ERCC4: variants seen among roughly 807,000 people sequenced by gnomAD.
The protein encoded by ERCC4 is ERCC excision repair 4, endonuclease catalytic subunit.
In ERCC4, 65 loss-of-function variants were observed where a neutral mutation model predicts 76.9. The observed-to-expected ratio is 0.84, with a 90% CI of 0.69 to 1.04. The LOEUF (loss-of-function observed/expected upper bound fraction) is 1.04. Ranked by LOEUF, ERCC4 falls within the 50% of genes least tolerant of loss-of-function variation. The pLI, the probability that ERCC4 is intolerant of heterozygous loss-of-function variation, is 0.00. For missense variants in ERCC4, 1,214 were observed against 1,128.2 expected (o/e 1.08, Z -1.09); for synonymous variants, 463 against 410.1 (o/e 1.13, Z -1.56).
intron 8 of ERCC4, among the ~76,000 whole-genome samples, chr16:13,937,174 C>A (rs144872771): frequency 2.6e-5 from 4 of 151,702 alleles, no homozygotes; most frequent in Non-Finnish European, 4.4e-5. Flanking sequence ...CCTCAGCCCC[C>A]CAAAGTGCTG....
At position 13,930,752 on chromosome 16, in the gene ERCC4, G is replaced by A; in HGVS notation, c.835G>A (p.Ala279Thr). 8 of 1,613,900 alleles carry A rather than the reference G, an allele frequency of 5.0e-6. No individual in the cohort carries two copies. The highest frequency in any genetic ancestry group is 6.8e-6 in the Non-Finnish European group (8 of 1,179,800). Residue 279 changes from alanine (A) to threonine (T), a missense_variant, in exon 5 of 11, where the codon GCC becomes ACC. Transcript: ENST00000311895. ...YLDPLWHQLG[A>T]KTKSLVQDLK... ...GGATCCTTTGTGGCACCAGCTTGGAGCCAAGACTAAATCCTTAGTTCAGGA... is the reference window on the plus strand; with the variant it reads ...GGATCCTTTGTGGCACCAGCTTGGAACCAAGACTAAATCCTTAGTTCAGGA...
chr16:13,941,470 T>A (rs187754458), intron 9 of ERCC4, among the ~76,000 whole-genome samples: 1 of 152,088 alleles, frequency 6.6e-6, no homozygotes, highest in East Asian at 1.9e-4. Context: ...AAGAGAAAAA[T>A]TTAATATGAA....
At chr16:13,928,544 G>A (rs905431269) in intron 4 of ERCC4, among the ~76,000 whole-genome samples, 6 of 152,076 alleles carry the variant, frequency 3.9e-5, no homozygotes, top group African/African-American at 1.4e-4. Flanking sequence ...ATGTCTACAG[G>A]TAGAAGAGTT....
At chr16:13,920,501 C>T in intron 1 of ERCC4, 129 bp downstream of exon 1, 1 of 871,244 alleles carries the variant, frequency 1.1e-6, no homozygotes, top group Non-Finnish European at 1.8e-6. Flanking sequence ...TACGCGATGA[C>T]ACAGAGAAGG....
At position 13,947,997 on chromosome 16, in the gene ERCC4, C is replaced by T. The variant is rs2032554052; in HGVS notation, c.2401C>T (p.Leu801Phe). 6.2e-7 allele frequency: 1 copy of T among 1,614,062 alleles called. No homozygotes were observed. The highest frequency in any genetic ancestry group is 8.5e-7 in the Non-Finnish European group (1 of 1,180,040). ...ACTTCACTTCCCCAGACTACGGATTCTCTGGTGCCCCTCTCCTCATGCAAC... is the reference window on the plus strand; with the variant it reads ...ACTTCACTTCCCCAGACTACGGATTTTCTGGTGCCCCTCTCCTCATGCAAC... ...LTLHFPRLRI[L>F]WCPSPHATAE... is the part of the protein sequence containing the mutation. The change falls in exon 11 of 11, where the codon CTC (leucine) becomes TTC (phenylalanine). Residue 801 changes from leucine to phenylalanine, a missense_variant. Physicochemically the swap from Leu to Phe is conservative, Grantham distance 22. Coordinates refer to ENST00000311895, the MANE Select transcript of ERCC4 (RefSeq NM_005236.3).
At chr16:13,929,310 G>C (rs554860815) in intron 4 of ERCC4, among the ~76,000 whole-genome samples, 36 of 152,210 alleles carry the variant, frequency 2.4e-4, no homozygotes, top group African/African-American at 8.4e-4. Context: ...TTACAAAAAA[G>C]GCATGTAGTT....
Position 13,950,600 on chromosome 16 carries a change from T to C in ERCC4, c.*2253T>C, listed in dbSNP as rs2032612743. 1.6e-5 allele frequency: 3 copies of C among 193,304 alleles called. No individual in the cohort carries two copies. The highest frequency in any genetic ancestry group is 1.9e-4 in the South Asian group (1 of 5,194). 12.0% of individuals were successfully genotyped at this position (193,304 alleles called of 1,614,324 possible). A position where few individuals can be genotyped will look rare whatever the true frequency, so the allele number is the denominator to read the frequency against. On this transcript the variant is annotated 3_prime_UTR_variant, in exon 11 of 11. Coordinates refer to ENST00000311895, the MANE Select transcript of ERCC4 (RefSeq NM_005236.3). ...ATTCAATTTTGTATTTATTGTTTTA[T>C]TGAATATAGTTCAGAGTATATTAAA...
chr16:13,939,856 C>G (rs1344669645), intron 9 of ERCC4, among the ~76,000 whole-genome samples: 3 of 152,062 alleles, frequency 2.0e-5, no homozygotes, highest in Admixed American at 6.6e-5. Flanking sequence ...TGGATGTGGG[C>G]CAGTACCTCC....
chr16:13,926,355 C>T lies in ERCC4; in HGVS notation c.389-206C>T, dbSNP rs112309788. ...TCTGATTCATTTTTTCTTCTCAGCA[C>T]TTGTAGCATCCTAAATATTTTACGT... On this transcript the variant is annotated intron_variant, in intron 2 of 10. Coordinates refer to ENST00000311895, the MANE Select transcript of ERCC4 (RefSeq NM_005236.3). Among the ~76,000 whole-genome samples, 1,508 of 152,236 alleles carry T rather than the reference C, an allele frequency of 9.9e-3. 26 individuals are homozygous for T. Among genetic ancestry groups the T allele is most frequent in the African/African-American group, 0.034 (1,402 of 41,506 alleles).
intron 9 of ERCC4, among the ~76,000 whole-genome samples, chr16:13,943,540 G>C (rs1390303830): frequency 3.9e-5 from 6 of 152,112 alleles, no homozygotes; most frequent in South Asian, 2.1e-4. Flanking sequence ...TTCCCACCAG[G>C]TCCCTTCCAG....
At chr16:13,929,604 G>A (rs898418957) in intron 4 of ERCC4, among the ~76,000 whole-genome samples, 8 of 152,130 alleles carry the variant, frequency 5.3e-5, no homozygotes, top group Non-Finnish European at 1.0e-4. Context: ...ACATAGCTGT[G>A]GATATGTAGG....
chr16:13,932,738 T>G (rs1567246320), intron 6 of ERCC4: 1 of 201,610 alleles, frequency 5.0e-6, no homozygotes, highest in Non-Finnish European at 1.0e-5. Context: ...AAAGCAAGAC[T>G]CCATCTCTAC....
At chr16:13,938,452 G>GTTCACAAA (rs1177304108) in intron 9 of ERCC4, among the ~76,000 whole-genome samples, 5 of 152,208 alleles carry the variant, frequency 3.3e-5, no homozygotes, top group African/African-American at 1.2e-4. Context: ...ATGGTGAGAT[G>GTTCACAAA]TTCACAAACT....
intron 4 of ERCC4, among the ~76,000 whole-genome samples, chr16:13,928,914 A>C (rs1010091843): frequency 6.6e-6 from 1 of 152,160 alleles, no homozygotes; most frequent in Admixed American, 6.5e-5. Context: ...TTAAACTCTG[A>C]GTCAATCTCT....
Position 13,944,851 on chromosome 16 carries a change from TGTCAGGCACC to T in ERCC4, c.2017+17_2017+26del, listed in dbSNP as rs2141617214. 1 of 1,500,394 alleles carries T rather than the reference TGTCAGGCACC, an allele frequency of 6.7e-7. No individual in the cohort carries two copies. The highest frequency in any genetic ancestry group is 9.3e-7 in the Non-Finnish European group (1 of 1,076,520). 92.9% of individuals were successfully genotyped at this position (1,500,394 alleles called of 1,614,324 possible). On this transcript the variant is annotated intron_variant, in intron 10 of 10. Coordinates refer to ENST00000311895, the MANE Select transcript of ERCC4 (RefSeq NM_005236.3). ...CGGAAAGCCGGTGAGTCCTGCACTT[TGTCAGGCACC>T]TCCATTGCCTGCAAAGGGGGCTGTG...
intron 9 of ERCC4, among the ~76,000 whole-genome samples, chr16:13,941,072 T>C (rs1193163027): frequency 6.6e-6 from 1 of 152,120 alleles, no homozygotes; most frequent in Non-Finnish European, 1.5e-5. Flanking sequence ...TCCCATGCCA[T>C]TCCTGATTTA....
chr16:13,946,213 TC>T (rs1186515647), intron 10 of ERCC4, among the ~76,000 whole-genome samples: 4 of 152,216 alleles, frequency 2.6e-5, no homozygotes, highest in African/African-American at 9.6e-5. Context: ...CCAGATAATC[TC>T]CCAATCTCAA....
chr16:13,923,442 G>C (rs1477310837), intron 2 of ERCC4, among the ~76,000 whole-genome samples: 1 of 152,190 alleles, frequency 6.6e-6, no homozygotes, highest in Non-Finnish European at 1.5e-5. Flanking sequence ...CACTGTATCT[G>C]TCATGTTGCC....
chr16:13,925,405 G>C (rs2032053595), intron 2 of ERCC4, among the ~76,000 whole-genome samples: 1 of 152,146 alleles, frequency 6.6e-6, no homozygotes, highest in South Asian at 2.1e-4. Context: ...TTTCTGAGTA[G>C]TAAATTAGTT....
Sources: allele counts gnomAD v4.1 joint callset (sites outside exome capture counted in the v4.1 genomes callset), GRCh38; gene constraint gnomAD v4.1.1; transcripts MANE v1.5; gene names NCBI Gene and HGNC (gene_info 2026-07-23, HGNC 2026-07-21).